The following MUC5AC variants were observed in gnomAD, a reference collection of about 807,000 sequenced individuals.
MUC5AC encodes mucin 5AC, oligomeric mucus/gel-forming, also known as mucin-5AC.
MUC5AC carries 158 observed loss-of-function variants against 169.7 expected under a neutral mutation model. That is an observed-to-expected ratio of 0.93 (90% confidence interval 0.82 to 1.06). The LOEUF is 1.06. MUC5AC is among the 50% of genes least tolerant of loss of function. The pLI is 0.00. For synonymous variants in MUC5AC, 1,975 were observed against 1,237.0 expected (o/e 1.60, Z -12.52); for missense variants, 4,359 against 3,089.9 (o/e 1.41, Z -9.74).
At chr11:1,173,309 T>C (rs1409469229) in intron 16 of MUC5AC, among the ~76,000 whole-genome samples, 25,547 of 149,776 alleles carry the variant, frequency 0.17, 2,369 homozygotes, top group Non-Finnish European at 0.2. Flanking sequence ...ACTCACCCAC[T>C]CACTCACTCA....
At position 1,192,884 on chromosome 11, in the gene MUC5AC, T is replaced by C. The variant is rs760860057; in HGVS notation, c.14482T>C (p.Ser4828Pro). The change falls in exon 32 of 49, where the codon TCC (serine) becomes CCC (proline). Residue 4828 changes from serine (S) to proline (P), a missense_variant. Physicochemically the swap from Ser to Pro is moderately conservative, Grantham distance 74. Coordinates refer to ENST00000621226, the MANE Select transcript of MUC5AC (RefSeq NM_001304359.2). ...CAGAGGGGTTGACAGTGACTGTCCG[T>C]CCACCACGCTGCCTCCTGCCCCAGC... ...VVRGVDSDCP[S>P]TTLPPAPATS... is the part of the protein sequence containing the mutation. 1.3e-6 allele frequency: 1 copy of C among 764,544 alleles called. No individual in the cohort carries two copies. 47.4% of individuals were successfully genotyped at this position (764,544 alleles called of 1,614,324 possible). A position where few individuals can be genotyped will look rare whatever the true frequency, so the allele number is the denominator to read the frequency against.
rs1861269509 is a variant in MUC5AC at position 1,196,298 on chromosome 11, G to C, written c.15638-90G>C. 2.9e-5 allele frequency: 21 copies of C among 728,900 alleles called. No individual in the cohort carries two copies. In the South Asian group the frequency reaches 2.9e-4, roughly 10 times the overall value. The allele number at this position is 728,900 out of a possible 1,614,324, so 45.2% of individuals were successfully genotyped here. A position where few individuals can be genotyped will look rare whatever the true frequency, so the allele number is the denominator to read the frequency against. Reference sequence around the variant, plus strand: ...CCAGGCCCACAGGTGGCTGCGGGCAGCTCCGGAGCAGATGTTGGTGCCCAG... The same window carrying C: ...CCAGGCCCACAGGTGGCTGCGGGCACCTCCGGAGCAGATGTTGGTGCCCAG... On this transcript the variant is annotated intron_variant, in intron 37 of 48. Coordinates refer to ENST00000621226, the MANE Select transcript of MUC5AC (RefSeq NM_001304359.2).
At position 1,168,789 on chromosome 11, in the gene MUC5AC, C is replaced by A; in HGVS notation, c.1705+10C>A. 1 of 1,591,624 alleles carries A rather than the reference C, an allele frequency of 6.3e-7. No individual in the cohort carries two copies. The highest frequency in any genetic ancestry group is 8.6e-7 in the Non-Finnish European group (1 of 1,164,922). On this transcript the variant is annotated intron_variant, in intron 14 of 48. Coordinates refer to ENST00000621226, the MANE Select transcript of MUC5AC (RefSeq NM_001304359.2). ...CGTGGGCAGACCTGCGGTAAGAGGGCTGCCTTCTGGGCTTGGAGCCCACCC... is the reference window on the plus strand; with the variant it reads ...CGTGGGCAGACCTGCGGTAAGAGGGATGCCTTCTGGGCTTGGAGCCCACCC...
At position 1,191,014 on chromosome 11, in the gene MUC5AC, C is replaced by T. The variant is rs1861080035; in HGVS notation, c.12869C>T (p.Thr4290Ile). The T allele has an allele frequency of 2.6e-6, 2 of 755,516 alleles. No homozygotes were observed. The highest frequency in any genetic ancestry group is 1.4e-5 in the South Asian group (1 of 73,190). 46.8% of individuals were successfully genotyped at this position (755,516 alleles called of 1,614,324 possible). The change falls in exon 31 of 49, where the codon ACC becomes ATC. Residue 4290 changes from threonine (T) to isoleucine (I), a missense_variant. Thr to Ile is a moderately conservative substitution (Grantham distance 89). Coordinates refer to ENST00000621226, the MANE Select transcript of MUC5AC (RefSeq NM_001304359.2). Reference protein sequence around the residue: ...RTTSAPTSSMTSGPGTTPSPV... With the variant: ...RTTSAPTSSMISGPGTTPSPV... ...ACATCTGCTCCTACAAGCAGCATGA[C>T]CTCTGGTCCTGGAACTACTCCCAGC...
Position 1,195,917 on chromosome 11 carries a change from T to A in MUC5AC, c.15500T>A (p.Phe5167Tyr), listed in dbSNP as rs755035769. The A allele has an allele frequency of 1.3e-6, 1 of 764,954 alleles. No homozygotes were observed. Among genetic ancestry groups the A allele is most frequent in the South Asian group, 1.3e-5 (1 of 74,620 alleles). 47.4% of individuals were successfully genotyped at this position (764,954 alleles called of 1,614,324 possible). The change falls in exon 37 of 49, where the codon TTC (phenylalanine) becomes TAC (tyrosine). Residue 5167 changes from phenylalanine (F) to tyrosine (Y), a missense_variant. Physicochemically the swap from Phe to Tyr is conservative, Grantham distance 22 (BLOSUM62 3). Transcript: ENST00000621226. ...CACACTGTGATCCCCCCACTGCTGTTCTATGAGGGCTGCGTCTTTGACCGG... is the reference window on the plus strand; with the variant it reads ...CACACTGTGATCCCCCCACTGCTGTACTATGAGGGCTGCGTCTTTGACCGG... ...PCHTVIPPLL[F>Y]YEGCVFDRCH...
chr11:1,176,470 C>A (rs1041233553), intron 20 of MUC5AC, 44 bp from the exon 21 acceptor site: 5,753 of 398,830 alleles, frequency 0.014, 311 homozygotes, highest in African/African-American at 0.11. Context: ...CTGGCAGGCC[C>A]CGTGCCCTGC....
Position 1,164,209 on chromosome 11 carries a change from G to A in MUC5AC, c.893G>A (p.Cys298Tyr). The A allele has an allele frequency of 6.2e-7, 1 of 1,612,632 alleles. No homozygotes were observed. The highest frequency in any genetic ancestry group is 8.5e-7 in the Non-Finnish European group (1 of 1,179,882). Reference protein sequence around the residue: ...LEACRQDLCFCEDTDLLSCVC... With the variant: ...LEACRQDLCFYEDTDLLSCVC... ...GCTTGCAGGCAAGACCTCTGCTTCT[G>A]TGAAGACACCGACCTGCTCAGCTGC... Residue 298 changes from cysteine to tyrosine, a missense_variant, in exon 8 of 49, where the codon TGT (cysteine) becomes TAT (tyrosine). Cys to Tyr is a radical substitution (Grantham distance 194). Coordinates refer to ENST00000621226, the MANE Select transcript of MUC5AC (RefSeq NM_001304359.2).
At position 1,187,287 on chromosome 11, in the gene MUC5AC, C is replaced by A; in HGVS notation, c.9142C>A (p.Pro3048Thr). 7.1e-6 allele frequency: 5 copies of A among 699,338 alleles called. No individual in the cohort carries two copies. 43.3% of individuals were successfully genotyped at this position (699,338 alleles called of 1,614,324 possible). Reference protein sequence around the residue: ...STPTSSTTSSPQTSTTSASTT... With the variant: ...STPTSSTTSSTQTSTTSASTT... ...CCCTACAAGCAGCACAACCTCCTCT[C>A]CACAGACCAGCACAACCTCGGCTTC... Residue 3048 changes from proline to threonine, a missense_variant, in exon 31 of 49, where the codon CCA becomes ACA. Physicochemically the swap from Pro to Thr is conservative, Grantham distance 38. Transcript: ENST00000621226.
rs1392051860 is a variant in MUC5AC at position 1,190,427 on chromosome 11, A to T, written c.12282A>T (p.Thr4094=). ...AATCCAGGACAACCACTTTGGTGACAACCAGCACAACCTCCACTCCACAGA... is the reference window on the plus strand; with the variant it reads ...AATCCAGGACAACCACTTTGGTGACTACCAGCACAACCTCCACTCCACAGA... ...WQKSRTTTLV[T]TSTTSTPQTS... The change falls in exon 31 of 49, where the codon ACA becomes ACT. Residue 4094 remains threonine, a synonymous_variant. Transcript: ENST00000621226. 9 of 673,036 alleles carry T rather than the reference A, an allele frequency of 1.3e-5. No individual in the cohort carries two copies. In the African/African-American group the frequency reaches 1.6e-4, roughly 12 times the overall value. 41.7% of individuals were successfully genotyped at this position (673,036 alleles called of 1,614,324 possible).
chr11:1,181,340 C>G lies in MUC5AC; in HGVS notation c.3890C>G (p.Thr1297Arg), dbSNP rs946847277. 2 of 398,714 alleles carry G rather than the reference C, an allele frequency of 5.0e-6. No individual in the cohort carries two copies. 24.7% of individuals were successfully genotyped at this position (398,714 alleles called of 1,614,324 possible). Residue 1297 changes from threonine (T) to arginine (R), a missense_variant, in exon 30 of 49, where the codon ACG (threonine) becomes AGG (arginine). Thr to Arg is a moderately conservative substitution (Grantham distance 71). Coordinates refer to ENST00000621226, the MANE Select transcript of MUC5AC (RefSeq NM_001304359.2). ...GDVIYHTTDGTGGCISARCGA... is the reference protein window; with the variant it reads ...GDVIYHTTDGRGGCISARCGA... Reference sequence around the variant, plus strand: ...GTCATCTACCACACGACGGATGGCACGGGTGGCTGCATCTCCGCCCGCTGC... The same window carrying G: ...GTCATCTACCACACGACGGATGGCAGGGGTGGCTGCATCTCCGCCCGCTGC...
chr11:1,171,769 C>G (rs1860551214), intron 15 of MUC5AC, among the ~76,000 whole-genome samples: 2 of 145,224 alleles, frequency 1.4e-5, no homozygotes, highest in African/African-American at 5.1e-5. Flanking sequence ...AACACTCACT[C>G]ACCCACTCAC....
In MUC5AC at chr11:1,164,051, G is replaced by C; in HGVS notation, c.790-55G>C. On this transcript the variant is annotated intron_variant, in intron 7 of 48. Coordinates refer to ENST00000621226, the MANE Select transcript of MUC5AC (RefSeq NM_001304359.2). ...TGAGCAGGAGGGGTTGTGAGCCTGG[G>C]AACCGGTCCAGATCCCCCACCGAGG... 3 of 1,610,142 alleles carry C rather than the reference G, an allele frequency of 1.9e-6. No individual in the cohort carries two copies. The South Asian group carries it at 3.3e-5, about 18-fold the overall frequency.
chr11:1,196,650 C>T lies in MUC5AC; in HGVS notation c.15759C>T (p.Gly5253=), dbSNP rs1246110278. The change falls in exon 39 of 49, where the codon GGC becomes GGT. Residue 5253 remains glycine (G), a synonymous_variant. Transcript: ENST00000621226. ...CGGAGGCCGGCCCCATCACCGAAGGCTGCTTCTGTCCGGAGGGCATGACCC... is the reference window on the plus strand; with the variant it reads ...CGGAGGCCGGCCCCATCACCGAAGGTTGCTTCTGTCCGGAGGGCATGACCC... ...ALPEAGPITE[G]CFCPEGMTLF... is the part of the protein sequence containing the mutation. 1.3e-6 allele frequency: 1 copy of T among 762,766 alleles called. No individual in the cohort carries two copies. Among genetic ancestry groups the T allele is most frequent in the Non-Finnish European group, 2.4e-6 (1 of 416,958 alleles). The allele number at this position is 762,766 out of a possible 1,614,324, so 47.2% of individuals were successfully genotyped here.
chr11:1,162,703 C>T (rs1860181840), intron 5 of MUC5AC, 57 bp downstream of exon 5: 9 of 1,487,688 alleles, frequency 6.0e-6, no homozygotes, highest in East Asian at 2.3e-5. Context: ...GGCCGGCCTG[C>T]TCCCACAGCC....
intron 20 of MUC5AC, 107 bp downstream of exon 20, chr11:1,176,358 T>C (rs1005641229): frequency 1.2e-4 from 46 of 398,610 alleles, no homozygotes; most frequent in African/African-American, 2.9e-4. Context: ...CATTAGGCCA[T>C]GGGCTGCCCC....
rs1333289558 is a variant in MUC5AC, at chr11:1,187,570, C to A, written c.9425C>A (p.Ser3142Tyr). 4.0e-6 allele frequency: 3 copies of A among 755,982 alleles called. No individual in the cohort carries two copies. Among genetic ancestry groups the A allele is most frequent in the Non-Finnish European group, 7.3e-6 (3 of 413,568 alleles). 46.8% of individuals were successfully genotyped at this position (755,982 alleles called of 1,614,324 possible). Residue 3142 changes from serine (S) to tyrosine (Y), a missense_variant, in exon 31 of 49, where the codon TCT becomes TAT. Transcript: ENST00000621226. Reference protein sequence around the residue: ...TTSPPTTSTTSASTASKTSGP... With the variant: ...TTSPPTTSTTYASTASKTSGP... ...TCTCCTCCTACAACCAGCACAACTT[C>A]TGCCTCTACAGCCAGCAAAACCTCT... is the stretch of plus-strand genomic sequence containing the variant.
Position 1,162,649 on chromosome 11 carries a change from G to A in MUC5AC, c.588+3G>A. On this transcript the variant is annotated splice_donor_region_variant and intron_variant, in intron 5 of 48. Coordinates refer to ENST00000621226, the MANE Select transcript of MUC5AC (RefSeq NM_001304359.2). ...GGAACCACGATGACAGCCTGCTGGT[G>A]AGGCTGGGTGGGGGTGTCCCGGTGT... 6.2e-7 allele frequency: 1 copy of A among 1,611,644 alleles called. No individual in the cohort carries two copies. The highest frequency in any genetic ancestry group is 8.5e-7 in the Non-Finnish European group (1 of 1,178,822).
chr11:1,168,836 C>T, intron 14 of MUC5AC, 26 bp from the exon 15 acceptor site: 4 of 1,580,288 alleles, frequency 2.5e-6, no homozygotes, highest in Non-Finnish European at 3.4e-6. Flanking sequence ...GGCGCATGGT[C>T]CTCAACCTGC....
In MUC5AC at chr11:1,188,201, T is replaced by C; in HGVS notation, c.10056T>C (p.Ser3352=). 1 of 682,430 alleles carries C rather than the reference T, an allele frequency of 1.5e-6. No homozygotes were observed. The highest frequency in any genetic ancestry group is 2.7e-6 in the Non-Finnish European group (1 of 376,298). 42.3% of individuals were successfully genotyped at this position (682,430 alleles called of 1,614,324 possible). A position where few individuals can be genotyped will look rare whatever the true frequency, so the allele number is the denominator to read the frequency against. The change falls in exon 31 of 49, where the codon TCT becomes TCC. Residue 3352 remains serine (S), a synonymous_variant. Transcript: ENST00000621226. ...CCAGCCCAACTCAGAGCACTTCCTC[T>C]TGGCAGAAATCCAGGACAACCACTT... ...RATSPTQSTS[S]WQKSRTTTLV...
Sources: gnomAD v4.1 joint callset for allele counts (sites outside exome capture counted in the v4.1 genomes callset) on GRCh38, gnomAD v4.1.1 for gene constraint, MANE v1.5 for transcripts, NCBI Gene and HGNC (gene_info 2026-07-23, HGNC 2026-07-21) for gene names.